MTA1: variants seen among roughly 807,000 people sequenced by gnomAD.
The protein encoded by MTA1 is metastasis associated 1.
MTA1 carries 15 observed loss-of-function variants against 97.0 expected under a neutral mutation model. The ratio of observed to expected loss-of-function variants is 0.15; its 90% CI spans 0.10 to 0.24. The LOEUF (loss-of-function observed/expected upper bound fraction) is 0.24, where lower values mean the gene tolerates loss of function less well. MTA1 is among the 10% of genes least tolerant of loss of function. The probability of loss-of-function intolerance (pLI) is 1.00; values close to 1 mark genes in which losing one functional copy is unlikely to be tolerated. For synonymous variants in MTA1, 435 were observed against 417.5 expected (o/e 1.04, Z -0.51); for missense variants, 709 against 1,015.1 (o/e 0.70, Z 4.10).
chr14:105,463,912 C>T lies in MTA1; in HGVS notation c.1077-120C>T, dbSNP rs587596293. ...GAGAAAGGAAGATCCCTGCCGAGGC[C>T]GAGGGGTGCGAGGACGTGGTTCTGG... is the stretch of plus-strand genomic sequence containing the variant. On this transcript the variant is annotated intron_variant, in intron 12 of 20. Transcript: ENST00000331320. The surrounding 1 kb of genome is among the most constrained non-coding windows in gnomAD (Gnocchi z 5.9). The T allele has an allele frequency of 2.6e-4, 243 of 921,068 alleles. No homozygotes were observed. Among genetic ancestry groups the T allele is most frequent in the Non-Finnish European group, 2.7e-4 (151 of 567,168 alleles). 57.1% of individuals were successfully genotyped at this position (921,068 alleles called of 1,614,324 possible). A position where few individuals can be genotyped will look rare whatever the true frequency, so the allele number is the denominator to read the frequency against.
At position 105,463,061 on chromosome 14, in the gene MTA1, C is replaced by T; in HGVS notation, c.943-123C>T. 2 of 941,630 alleles carry T rather than the reference C, an allele frequency of 2.1e-6. No individual in the cohort carries two copies. Among genetic ancestry groups the T allele is most frequent in the Non-Finnish European group, 3.3e-6 (2 of 604,190 alleles). The allele number at this position is 941,630 out of a possible 1,614,324, so 58.3% of individuals were successfully genotyped here. On this transcript the variant is annotated intron_variant, in intron 10 of 20. Coordinates refer to ENST00000331320, the MANE Select transcript of MTA1 (RefSeq NM_004689.4). This position sits in a 1 kb window ranked among gnomAD's most constrained non-coding sequence, Gnocchi z 5.9. ...AGGGGCCTGGCCTCCGTGCACCAAGCACACCTCGCCCTCTGGCCTCCCGCC... is the reference window on the plus strand; with the variant it reads ...AGGGGCCTGGCCTCCGTGCACCAAGTACACCTCGCCCTCTGGCCTCCCGCC...
In MTA1 at chr14:105,460,410, C is replaced by T; in HGVS notation, c.706C>T (p.Pro236Ser). ...GGACTGCAGCAGCTCCGTCCGACAG[C>T]CCAGCCTGCACATGAGCGCCGCAGC... ...ALDCSSSVRQ[P>S]SLHMSAAAAS... Residue 236 changes from proline to serine, a missense_variant, in exon 9 of 21, where the codon CCC becomes TCC. Physicochemically the swap from Pro to Ser is moderately conservative, Grantham distance 74. Around this residue, in one of 2 missense-constraint regions of MTA1, gnomAD observed 321 missense variants for 593.5 expected, o/e 0.54. Transcript: ENST00000331320. 1 of 1,611,816 alleles carries T rather than the reference C, an allele frequency of 6.2e-7. No homozygotes were observed. Among genetic ancestry groups the T allele is most frequent in the East Asian group, 2.2e-5 (1 of 44,884 alleles).
chr14:105,428,346 A>G (rs1041713064), intron 1 of MTA1, among the ~76,000 whole-genome samples: 33 of 152,068 alleles, frequency 2.2e-4, no homozygotes, highest in African/African-American at 8.0e-4. Context: ...GTTGGAGTGC[A>G]GTGGTACAGC....
intron 1 of MTA1, among the ~76,000 whole-genome samples, chr14:105,427,293 G>C (rs1424418557): frequency 6.6e-6 from 1 of 152,254 alleles, no homozygotes; most frequent in Non-Finnish European, 1.5e-5. Flanking sequence ...CTCTGCCACT[G>C]CTCCCATGTT....
Position 105,464,185 on chromosome 14 carries a change from C to T in MTA1, c.1192+38C>T, listed in dbSNP as rs201648890. ...GATGGCCGGGGGCACACCGCACGCCCGCCTGTGGGCCGTGGTGCCTGCGTT... is the reference window on the plus strand; with the variant it reads ...GATGGCCGGGGGCACACCGCACGCCTGCCTGTGGGCCGTGGTGCCTGCGTT... On this transcript the variant is annotated intron_variant, in intron 13 of 20. Coordinates refer to ENST00000331320, the MANE Select transcript of MTA1 (RefSeq NM_004689.4). The T allele has an allele frequency of 2.4e-4, 384 of 1,578,468 alleles. 2 individuals are homozygous for T. Among genetic ancestry groups the T allele is most frequent in the East Asian group, 1.6e-3 (71 of 44,464 alleles).
intron 7 of MTA1, among the ~76,000 whole-genome samples, chr14:105,456,078 G>GCTGGGT (rs2083141651): frequency 6.6e-6 from 1 of 152,254 alleles, no homozygotes. Flanking sequence ...AGGCCGCTGT[G>GCTGGGT]CTGGGTCTGG....
At chr14:105,469,044 A>G (rs1555433612) in intron 18 of MTA1, 1 of 404,810 alleles carries the variant, frequency 2.5e-6, no homozygotes, top group Admixed American at 2.9e-5. Context: ...GAGCCTTAGG[A>G]AAAAGCCCGG....
chr14:105,441,449 T>TGGGGC (rs1342750425), intron 2 of MTA1, among the ~76,000 whole-genome samples: 59 of 150,494 alleles, frequency 3.9e-4, no homozygotes, highest in Admixed American at 3.3e-3. Flanking sequence ...GCAAGGCGTA[T>TGGGGC]GGGGCGGGGC....
Position 105,420,631 on chromosome 14 carries a change from C to T in MTA1, c.28+568C>T, listed in dbSNP as rs1411937494. ...CAGGGAGCGAGCATCCCGAGCACGC[C>T]TCTAAGTCCCCCCAAACTTTTCCCT... On this transcript the variant is annotated intron_variant, in intron 1 of 20. Transcript: ENST00000331320. The surrounding 1 kb of genome is among the most constrained non-coding windows in gnomAD (Gnocchi z 5.3). Among the ~76,000 whole-genome samples the T allele has an allele frequency of 6.6e-6, 1 of 152,204 alleles. No individual in the cohort carries two copies. The highest frequency in any genetic ancestry group is 1.5e-5 in the Non-Finnish European group (1 of 68,018).
rs2083230553 is a variant in MTA1, at chr14:105,458,320, G to A, written c.601G>A (p.Ala201Thr). 6.2e-7 allele frequency: 1 copy of A among 1,612,622 alleles called. No individual in the cohort carries two copies. Among genetic ancestry groups the A allele is most frequent in the Admixed American group, 1.7e-5 (1 of 60,004 alleles). ...QSRLETQVWEAHNPLTDKQID... is the reference protein window; with the variant it reads ...QSRLETQVWETHNPLTDKQID... ...CAGGTTGGAGACCCAGGTGTGGGAG[G>A]CGCACAACCCACTCACAGACAAGCA... Residue 201 changes from alanine to threonine, a missense_variant, in exon 8 of 21, where the codon GCG (alanine) becomes ACG (threonine). Physicochemically the swap from Ala to Thr is moderately conservative, Grantham distance 58 (BLOSUM62 0). This residue lies in a region of MTA1 where 321 missense variants were observed against 593.5 expected (regional missense o/e 0.54). Coordinates refer to ENST00000331320, the MANE Select transcript of MTA1 (RefSeq NM_004689.4).
At chr14:105,441,775 C>G (rs1267807389) in intron 2 of MTA1, among the ~76,000 whole-genome samples, 3 of 152,064 alleles carry the variant, frequency 2.0e-5, no homozygotes, top group Non-Finnish European at 2.9e-5. Flanking sequence ...GCCTGGGCGA[C>G]AGAGCGAGAC....
chr14:105,454,406 G>C, intron 7 of MTA1, 96 bp downstream of exon 7: 1 of 862,310 alleles, frequency 1.2e-6, no homozygotes, highest in Admixed American at 1.8e-5. Context: ...GGCCGTGTCA[G>C]TGATTCATGT....
Position 105,470,400 on chromosome 14 carries a change from T to C in MTA1, c.*185T>C. 1.9e-6 allele frequency: 1 copy of C among 529,924 alleles called. No individual in the cohort carries two copies. Among genetic ancestry groups the C allele is most frequent in the Non-Finnish European group, 3.1e-6 (1 of 319,944 alleles). The allele number at this position is 529,924 out of a possible 1,614,324, so 32.8% of individuals were successfully genotyped here. On this transcript the variant is annotated 3_prime_UTR_variant, in exon 21 of 21. Coordinates refer to ENST00000331320, the MANE Select transcript of MTA1 (RefSeq NM_004689.4). ...AAGCGCGGCTAACTTATTCCGAGAA[T>C]GCCGAGGAGTTGTCGTTTTTAGCTT...
chr14:105,429,644 G>A (rs1161717221), intron 1 of MTA1, among the ~76,000 whole-genome samples: 1 of 150,930 alleles, frequency 6.6e-6, no homozygotes, highest in African/African-American at 2.4e-5. Context: ...TAGTAGAGAC[G>A]GGGTTTCACC....
intron 1 of MTA1, among the ~76,000 whole-genome samples, chr14:105,421,210 A>C (rs1391062478): frequency 6.6e-6 from 1 of 151,890 alleles, no homozygotes; most frequent in Admixed American, 6.6e-5. Context: ...GTGGGCCTGT[A>C]CCCCATCCAG....
chr14:105,450,824 G>T (rs1332941263), intron 6 of MTA1, among the ~76,000 whole-genome samples: 1 of 152,232 alleles, frequency 6.6e-6, no homozygotes, highest in Admixed American at 6.5e-5. Context: ...ACCAAAAAAT[G>T]TGTCCCGACA....
chr14:105,469,815 G>T, intron 19 of MTA1, 26 bp from the exon 20 acceptor site: 2 of 1,587,028 alleles, frequency 1.3e-6, no homozygotes, highest in African/African-American at 2.7e-5. Flanking sequence ...TTGGCTGGCT[G>T]CCCAGGAAGT....
chr14:105,439,584 C>T (rs1223565557), intron 2 of MTA1, among the ~76,000 whole-genome samples: 1 of 152,188 alleles, frequency 6.6e-6, no homozygotes, highest in Non-Finnish European at 1.5e-5. Context: ...CCCCAGCGTC[C>T]CTTCTCCTCC....
In MTA1 at chr14:105,470,143, G is replaced by A; in HGVS notation, c.2076G>A (p.Gln692=). 1 of 1,611,818 alleles carries A rather than the reference G, an allele frequency of 6.2e-7. No individual in the cohort carries two copies. The change falls in exon 21 of 21, where the codon CAG becomes CAA. Residue 692 remains glutamine, a synonymous_variant. Transcript: ENST00000331320. ...RRPYKPIALR[Q]SQALPPRPPP... is the part of the protein sequence containing the mutation. ...CCTACAAGCCCATCGCCCTGCGCCA[G>A]AGCCAGGCCCTGCCGCCGCGGCCAC...
Sources: allele counts gnomAD v4.1 joint callset (sites outside exome capture counted in the v4.1 genomes callset), GRCh38; gene constraint gnomAD v4.1.1; regional missense constraint gnomAD v4.1.1; non-coding constraint Gnocchi (gnomAD v3.1); transcripts MANE v1.5; gene names NCBI Gene and HGNC (gene_info 2026-07-23, HGNC 2026-07-21).